FMN2: variants seen among roughly 807,000 people sequenced by gnomAD.
The protein encoded by FMN2 is formin 2.
FMN2 carries 51 observed loss-of-function variants against 142.3 expected under a neutral mutation model. The observed-to-expected ratio is 0.36, with a 90% CI of 0.29 to 0.45. FMN2 has a LOEUF of 0.45. Among genes scored for constraint, FMN2 ranks in the 20% least tolerant of loss-of-function variants. The probability of loss-of-function intolerance (pLI) is 1.00; values close to 1 mark genes in which losing one functional copy is unlikely to be tolerated. For missense variants in FMN2, 1,936 were observed against 2,122.8 expected, an observed-to-expected ratio of 0.91 and a Z score of 1.73; for synonymous variants, 882 against 869.8, an observed-to-expected ratio of 1.01 and a Z score of -0.25.
chr1:240,271,321 T>A (rs978362246), intron 7 of FMN2, among the ~76,000 whole-genome samples: 1 of 151,508 alleles, frequency 6.6e-6, no homozygotes, highest in African/African-American at 2.4e-5. Flanking sequence ...CATAAGAAAG[T>A]TCATTCATCA....
chr1:240,218,535 C>A (rs1163922317), intron 6 of FMN2, among the ~76,000 whole-genome samples: 1 of 149,180 alleles, frequency 6.7e-6, no homozygotes, highest in Non-Finnish European at 1.5e-5. Context: ...CCAGCCTAGG[C>A]AACATAGTGA....
intron 15 of FMN2, among the ~76,000 whole-genome samples, chr1:240,418,487 G>A (rs919404780): frequency 2.0e-5 from 3 of 152,026 alleles, no homozygotes; most frequent in African/African-American, 7.2e-5. Context: ...GAGCCACCAC[G>A]CCCAGCCTAT....
At chr1:240,367,337 A>G (rs915631389) in intron 14 of FMN2, among the ~76,000 whole-genome samples, 5 of 151,942 alleles carry the variant, frequency 3.3e-5, no homozygotes, top group Non-Finnish European at 7.4e-5. Context: ...GGTCAGATAA[A>G]TTTTCCCAAG....
At chr1:240,297,235 G>A (rs995711307) in intron 8 of FMN2, among the ~76,000 whole-genome samples, 1 of 152,122 alleles carries the variant, frequency 6.6e-6, no homozygotes, top group African/African-American at 2.4e-5. Context: ...TACACTTGAT[G>A]TATTTATGTG....
At chr1:240,293,714 A>G (rs113819363) in intron 7 of FMN2, among the ~76,000 whole-genome samples, 322 of 152,204 alleles carry the variant, frequency 2.1e-3, no homozygotes, top group Non-Finnish European at 3.9e-3. Flanking sequence ...GGAAATTGAG[A>G]TAGTGGATTA....
At chr1:240,337,321 A>T (rs966239018) in intron 13 of FMN2, among the ~76,000 whole-genome samples, 1 of 149,886 alleles carries the variant, frequency 6.7e-6, no homozygotes, top group Non-Finnish European at 1.5e-5. Context: ...GGTTCAAGCA[A>T]TTCTCTTGCC....
intron 10 of FMN2, among the ~76,000 whole-genome samples, chr1:240,329,906 C>T (rs1671322991): frequency 6.6e-6 from 1 of 151,974 alleles, no homozygotes; most frequent in Admixed American, 6.6e-5. Flanking sequence ...CAACAGAAGA[C>T]AAATATTCTT....
chr1:240,266,627 G>C (rs1220114872), intron 7 of FMN2, among the ~76,000 whole-genome samples: 1 of 152,062 alleles, frequency 6.6e-6, no homozygotes, highest in Non-Finnish European at 1.5e-5. Flanking sequence ...GCACACCTAG[G>C]TTGATTCTAA....
intron 15 of FMN2, among the ~76,000 whole-genome samples, chr1:240,403,830 T>A (rs1024830957): frequency 4.6e-5 from 7 of 152,206 alleles, no homozygotes; most frequent in African/African-American, 1.7e-4. Flanking sequence ...TCTCATAGGA[T>A]CTTTTAAAAA....
intron 2 of FMN2, among the ~76,000 whole-genome samples, chr1:240,161,854 TAACA>T (rs1664295385): frequency 6.6e-6 from 1 of 152,128 alleles, no homozygotes; most frequent in Non-Finnish European, 1.5e-5. Context: ...AAAGATAAAA[TAACA>T]AACCTTCTGG....
chr1:240,182,569 C>G (rs1665196032), intron 3 of FMN2, among the ~76,000 whole-genome samples: 1 of 151,568 alleles, frequency 6.6e-6, no homozygotes, highest in Non-Finnish European at 1.5e-5. Context: ...ACCTTTGTTC[C>G]AAAAAAAGAT....
At chr1:240,404,285 G>C (rs1359560580) in intron 15 of FMN2, among the ~76,000 whole-genome samples, 1 of 152,200 alleles carries the variant, frequency 6.6e-6, no homozygotes, top group South Asian at 2.1e-4. Context: ...CTGGCACATG[G>C]ATAAAATGAA....
At chr1:240,271,399 T>G (rs1669009082) in intron 7 of FMN2, among the ~76,000 whole-genome samples, 2 of 150,080 alleles carry the variant, frequency 1.3e-5, no homozygotes, top group African/African-American at 4.9e-5. Flanking sequence ...TTTTCCCCAC[T>G]AGGCTTTTCA....
At chr1:240,170,019 A>T (rs1453609640) in intron 2 of FMN2, 1 of 550,882 alleles carries the variant, frequency 1.8e-6, no homozygotes, top group Non-Finnish European at 3.2e-6. Flanking sequence ...ACTTAAACTC[A>T]GATTAATTCC....
At chr1:240,304,652 CT>C (rs1670316093) in intron 8 of FMN2, among the ~76,000 whole-genome samples, 2 of 152,318 alleles carry the variant, frequency 1.3e-5, no homozygotes, top group South Asian at 2.1e-4. Context: ...GGGACAGAGG[CT>C]CAACAATGGC....
intron 16 of FMN2, among the ~76,000 whole-genome samples, chr1:240,468,293 T>TACATATGCACACACACATAG (rs1676696776): frequency 2.0e-5 from 3 of 151,944 alleles, no homozygotes; most frequent in Non-Finnish European, 4.4e-5. Flanking sequence ...CACACACATA[T>TACATATGCACACACACATAG]ACATATGCAC....
chr1:240,418,638 T>C (rs901211964), intron 15 of FMN2, among the ~76,000 whole-genome samples: 1 of 152,252 alleles, frequency 6.6e-6, no homozygotes, highest in Non-Finnish European at 1.5e-5. Context: ...AGAATAATTC[T>C]TTGCATTTTT....
chr1:240,137,210 G>C (rs1271004334), intron 2 of FMN2, among the ~76,000 whole-genome samples: 1 of 150,682 alleles, frequency 6.6e-6, no homozygotes, highest in African/African-American at 2.4e-5. Context: ...CTCCCAATTT[G>C]TACTGGACTT....
At chr1:240,245,537 G>T in intron 6 of FMN2, 1 of 471,516 alleles carries the variant, frequency 2.1e-6, no homozygotes, top group Non-Finnish European at 4.4e-6. Flanking sequence ...TCTAGGGGTT[G>T]TGAAATAGAG....
Sources: allele counts gnomAD v4.1 joint callset (sites outside exome capture counted in the v4.1 genomes callset), GRCh38; gene constraint gnomAD v4.1.1; transcripts MANE v1.5; gene names NCBI Gene and HGNC (gene_info 2026-07-23, HGNC 2026-07-21).